Variants in FHIT observed in about 807,000 individuals in gnomAD.
FHIT encodes fragile histidine triad diadenosine triphosphatase.
A neutral mutation model predicts 17.9 loss-of-function variants in FHIT; 19 were observed. The observed-to-expected ratio is 1.06, with a 90% CI of 0.74 to 1.56. The LOEUF is 1.56. Ranked by LOEUF, FHIT falls within the 40% of genes most tolerant of loss-of-function variation. FHIT has a pLI of 0.00. For synonymous variants in FHIT, 81 were observed against 69.7 expected, an observed-to-expected ratio of 1.16 and a Z score of -0.81; for missense variants, 248 against 189.2, an observed-to-expected ratio of 1.31 and a Z score of -1.82.
intron 5 of FHIT, among the ~76,000 whole-genome samples, chr3:60,502,840 A>C (rs1376956363): frequency 6.6e-6 from 1 of 152,196 alleles, no homozygotes; most frequent in East Asian, 1.9e-4. Flanking sequence ...AAAAAATCAA[A>C]ATGGCAGAAA....
chr3:60,380,583 G>T (rs1361318066), intron 5 of FHIT, among the ~76,000 whole-genome samples: 1 of 152,144 alleles, frequency 6.6e-6, no homozygotes, highest in Non-Finnish European at 1.5e-5. Flanking sequence ...GAAAAAGAGG[G>T]TACAGATTTT....
At chr3:60,858,782 C>T (rs982396705) in intron 3 of FHIT, among the ~76,000 whole-genome samples, 3 of 152,128 alleles carry the variant, frequency 2.0e-5, no homozygotes, top group Non-Finnish European at 4.4e-5. Context: ...GCATTGAGAC[C>T]ATTTACAGTT....
chr3:60,640,030 G>T (rs1421869875), intron 4 of FHIT, among the ~76,000 whole-genome samples: 1 of 152,178 alleles, frequency 6.6e-6, no homozygotes, highest in East Asian at 1.9e-4. Flanking sequence ...CGAGACACAA[G>T]GGAGTTCATA....
At chr3:61,050,113 C>A (rs2033970911) in intron 2 of FHIT, among the ~76,000 whole-genome samples, 1 of 152,156 alleles carries the variant, frequency 6.6e-6, no homozygotes. Flanking sequence ...TGAAGGCTCC[C>A]ATGTCACATG....
At chr3:59,754,845 C>G (rs1357085174) in intron 8 of FHIT, among the ~76,000 whole-genome samples, 1 of 152,156 alleles carries the variant, frequency 6.6e-6, no homozygotes, top group East Asian at 1.9e-4. Flanking sequence ...TATGAGATTT[C>G]CCTCCTAAAA....
intron 1 of FHIT, among the ~76,000 whole-genome samples, chr3:61,210,582 C>T (rs781063098): frequency 1.2e-4 from 19 of 152,186 alleles, no homozygotes; most frequent in Admixed American, 3.9e-4. Context: ...AGTGAGGCTC[C>T]GTGGGCGTAG....
At chr3:60,796,312 CTTATTT>C (rs1700979764) in intron 4 of FHIT, among the ~76,000 whole-genome samples, 1 of 152,114 alleles carries the variant, frequency 6.6e-6, no homozygotes, top group African/African-American at 2.4e-5. Context: ...AACCTAATTT[CTTATTT>C]TTATCTTTAT....
chr3:60,539,696 A>C (rs1360681922), intron 4 of FHIT, among the ~76,000 whole-genome samples: 1 of 152,160 alleles, frequency 6.6e-6, no homozygotes, highest in Non-Finnish European at 1.5e-5. Flanking sequence ...CAAGGACAAA[A>C]AACCAAACAC....
intron 4 of FHIT, among the ~76,000 whole-genome samples, chr3:60,620,110 G>A (rs1051039672): frequency 1.3e-5 from 2 of 152,176 alleles, no homozygotes; most frequent in Non-Finnish European, 2.9e-5. Context: ...ATACCACTAT[G>A]TACCTATTAG....
chr3:59,789,000 C>T lies in FHIT; in HGVS notation c.349-36679G>A, dbSNP rs77680124. Among the ~76,000 whole-genome samples the T allele has an allele frequency of 2.6e-4, 39 of 150,552 alleles. No individual in the cohort carries two copies. In the East Asian group the frequency reaches 4.8e-3, roughly 18 times the overall value. The stretch of plus-strand genomic sequence containing the variant: ...CATAAATGTACCACTATGACAGCCC[C>T]GCTAAGAAGAATAGTGATATCGCAC... On this transcript the variant is annotated intron_variant, in intron 8 of 9. Coordinates refer to ENST00000492590, the MANE Select transcript of FHIT (RefSeq NM_002012.4).
intron 5 of FHIT, among the ~76,000 whole-genome samples, chr3:60,236,167 C>T (rs1559750892): frequency 6.6e-6 from 1 of 151,692 alleles, no homozygotes; most frequent in East Asian, 1.9e-4. Context: ...ACCTCATTTT[C>T]AAATCAATTC....
At chr3:60,784,525 G>T (rs1700499609) in intron 4 of FHIT, among the ~76,000 whole-genome samples, 2 of 152,060 alleles carry the variant, frequency 1.3e-5, no homozygotes, top group Non-Finnish European at 2.9e-5. Flanking sequence ...TAGTAGAGAT[G>T]GGGTTTTGCC....
chr3:60,454,243 A>G (rs1358236778), intron 5 of FHIT, among the ~76,000 whole-genome samples: 1 of 152,150 alleles, frequency 6.6e-6, no homozygotes, highest in African/African-American at 2.4e-5. Context: ...ATTCTGAAGC[A>G]TTCCTCAAGC....
At chr3:60,502,057 G>C (rs1362006606) in intron 5 of FHIT, among the ~76,000 whole-genome samples, 2 of 152,186 alleles carry the variant, frequency 1.3e-5, no homozygotes, top group African/African-American at 2.4e-5. Flanking sequence ...AGGGGGTCTA[G>C]GTTGTCAGTG....
intron 5 of FHIT, among the ~76,000 whole-genome samples, chr3:60,301,921 C>T (rs564114402): frequency 7.2e-5 from 11 of 152,028 alleles, no homozygotes; most frequent in Non-Finnish European, 8.8e-5. Flanking sequence ...AATATACATC[C>T]TGTCAATTAA....
At chr3:60,773,083 T>C (rs1204250681) in intron 4 of FHIT, among the ~76,000 whole-genome samples, 11 of 152,156 alleles carry the variant, frequency 7.2e-5, no homozygotes, top group African/African-American at 2.2e-4. Flanking sequence ...CTAAACTCTT[T>C]CTTTACTGCA....
At chr3:60,473,225 A>G (rs1363160961) in intron 5 of FHIT, among the ~76,000 whole-genome samples, 1 of 152,238 alleles carries the variant, frequency 6.6e-6, no homozygotes, top group East Asian at 1.9e-4. Context: ...TGAAAACTCC[A>G]TATCCACAGA....
In FHIT at chr3:60,732,845, C is replaced by T. The variant is rs546485681; in HGVS notation, c.-18+89074G>A. 1.2e-3 allele frequency among the ~76,000 whole-genome samples: 177 copies of T among 152,080 alleles called. 1 individual carries two copies. The highest frequency in any genetic ancestry group is 3.6e-3 in the Admixed American group (55 of 15,284). ...GGGACTACAGATGCGAGCTACCACACCTGGCTAATTTCTTTTGTATTTTTA... is the reference window on the plus strand; with the variant it reads ...GGGACTACAGATGCGAGCTACCACATCTGGCTAATTTCTTTTGTATTTTTA... On this transcript the variant is annotated intron_variant, in intron 4 of 9. Transcript: ENST00000492590.
At chr3:60,271,237 A>AC (rs1360564007) in intron 5 of FHIT, among the ~76,000 whole-genome samples, 1 of 151,586 alleles carries the variant, frequency 6.6e-6, no homozygotes, top group Non-Finnish European at 1.5e-5. Flanking sequence ...CTGTCTCTCC[A>AC]AAAAAAACTA....
Sources: gnomAD v4.1 joint callset for allele counts (sites outside exome capture counted in the v4.1 genomes callset) on GRCh38, gnomAD v4.1.1 for gene constraint, MANE v1.5 for transcripts, NCBI Gene and HGNC (gene_info 2026-07-23, HGNC 2026-07-21) for gene names.